SCARA3: variants seen among roughly 807,000 people sequenced by gnomAD.
SCARA3 encodes scavenger receptor class A member 3, also known as cellular stress response gene protein.
SCARA3 carries 39 observed loss-of-function variants against 47.0 expected under a neutral mutation model. The ratio of observed to expected loss-of-function variants is 0.83; its 90% CI spans 0.64 to 1.08. SCARA3 has a LOEUF of 1.08. Among genes scored for constraint, SCARA3 ranks in the 50% least tolerant of loss-of-function variants. The pLI, the probability that SCARA3 is intolerant of heterozygous loss-of-function variation, is 0.00. For missense variants in SCARA3, 724 were observed against 792.3 expected (o/e 0.91, Z 1.04); for synonymous variants, 356 against 334.1 (o/e 1.07, Z -0.71).
At chr8:27,719,220 TC>T in the SCARA3 span, among the ~76,000 whole-genome samples, 1 of 152,210 alleles carries the variant, frequency 6.6e-6, no homozygotes, top group Non-Finnish European at 1.5e-5. Flanking sequence ...TGAGATGATG[TC>T]CTTTGCAGGG....
intron 5 of SCARA3, among the ~76,000 whole-genome samples, chr8:27,660,531 T>C (rs1034117890): frequency 2.5e-5 from 3 of 121,044 alleles, no homozygotes; most frequent in Non-Finnish European, 5.2e-5. Flanking sequence ...GAGATAGAGA[T>C]GAGATAGATA....
chr8:27,679,047 T>C (rs1802319586), downstream of SCARA3, among the ~76,000 whole-genome samples: 1 of 152,168 alleles, frequency 6.6e-6, no homozygotes, highest in Non-Finnish European at 1.5e-5. Context: ...GTCTAGCTTC[T>C]TTTCTTAATT....
In SCARA3 at chr8:27,658,813, G is replaced by A. The variant is rs1244395119; in HGVS notation, c.643G>A (p.Asp215Asn). The A allele has an allele frequency of 6.8e-6, 11 of 1,614,144 alleles. No individual in the cohort carries two copies. The highest frequency in any genetic ancestry group is 1.7e-5 in the Admixed American group (1 of 60,026). ...GAAGGACCTCACCCAGGAGTGCTAC[G>A]ATGTCAAGGCTGCAGTGCACCAGAT... ...SLKDLTQECY[D>N]VKAAVHQINF... The change falls in exon 5 of 6, where the codon GAT (aspartate) becomes AAT (asparagine). Residue 215 changes from aspartate to asparagine, a missense_variant. Coordinates refer to ENST00000301904, the MANE Select transcript of SCARA3 (RefSeq NM_016240.3).
chr8:27,667,186 C>T (rs1187167387), intron 5 of SCARA3, among the ~76,000 whole-genome samples: 1 of 152,212 alleles, frequency 6.6e-6, no homozygotes, highest in Non-Finnish European at 1.5e-5. Context: ...ATTCCTTGCC[C>T]CCACACTAAC....
Position 27,671,446 on chromosome 8 carries a change from C to A in SCARA3, c.*95C>A. 7.6e-7 allele frequency: 1 copy of A among 1,322,412 alleles called. No homozygotes were observed. The highest frequency in any genetic ancestry group is 2.4e-5 in the South Asian group (1 of 42,520). The allele number at this position is 1,322,412 out of a possible 1,614,324, so 81.9% of individuals were successfully genotyped here. ...AGCCTCACCTACAGACAGCTGTGGT[C>A]CTCTGATTCCAATGAGGGGGCTCCC... On this transcript the variant is annotated 3_prime_UTR_variant, in exon 6 of 6. Transcript: ENST00000301904.
In SCARA3 at chr8:27,634,132, G is replaced by T. The variant is rs1044541449; in HGVS notation, c.-69G>T. 235 of 1,416,646 alleles carry T rather than the reference G, an allele frequency of 1.7e-4. No individual in the cohort carries two copies. Among genetic ancestry groups the T allele is most frequent in the Non-Finnish European group, 2.1e-4 (224 of 1,084,096 alleles). 87.8% of individuals were successfully genotyped at this position (1,416,646 alleles called of 1,614,324 possible). On this transcript the variant is annotated 5_prime_UTR_variant, in exon 1 of 6. Coordinates refer to ENST00000301904, the MANE Select transcript of SCARA3 (RefSeq NM_016240.3). ...GATCCGCGCCCTGGAGGATCCGCCGGCCGCCCGGCTCCACTACAGCTCCAG... is the reference window on the plus strand; with the variant it reads ...GATCCGCGCCCTGGAGGATCCGCCGTCCGCCCGGCTCCACTACAGCTCCAG...
At chr8:27,698,714 A>G in the SCARA3 span, among the ~76,000 whole-genome samples, 12 of 152,192 alleles carry the variant, frequency 7.9e-5, no homozygotes, top group Admixed American at 5.2e-4. Context: ...TCTATATACT[A>G]GGAGCAAAAA....
the SCARA3 span, among the ~76,000 whole-genome samples, chr8:27,712,560 C>T: frequency 3.0e-5 from 1 of 33,822 alleles, no homozygotes. Context: ...GAGACTCCGT[C>T]TCAAAAAAAA....
the SCARA3 span, among the ~76,000 whole-genome samples, chr8:27,688,392 AT>A: frequency 6.7e-6 from 1 of 149,442 alleles, no homozygotes; most frequent in Non-Finnish European, 1.5e-5. Flanking sequence ...GAAGTCCTTG[AT>A]ATTGGCAAAA....
At chr8:27,642,774 T>C (rs980325081) in intron 1 of SCARA3, among the ~76,000 whole-genome samples, 2 of 152,094 alleles carry the variant, frequency 1.3e-5, no homozygotes, top group Admixed American at 6.6e-5. Context: ...CACTGAGCCA[T>C]GATCGCACCA....
intron 5 of SCARA3, among the ~76,000 whole-genome samples, chr8:27,668,525 C>T (rs1293664152): frequency 1.3e-4 from 17 of 127,988 alleles, no homozygotes; most frequent in Non-Finnish European, 2.9e-4. Flanking sequence ...CCGGCCTGGG[C>T]GACAGAGCGA....
At chr8:27,650,392 C>T (rs1801607167) in intron 2 of SCARA3, among the ~76,000 whole-genome samples, 1 of 152,164 alleles carries the variant, frequency 6.6e-6, no homozygotes, top group African/African-American at 2.4e-5. Context: ...TACCCTGTCC[C>T]TGGGGCCTGT....
chr8:27,689,480 G>T, the SCARA3 span, among the ~76,000 whole-genome samples: 1 of 152,136 alleles, frequency 6.6e-6, no homozygotes, highest in Non-Finnish European at 1.5e-5. Flanking sequence ...TGCACTGAGC[G>T]GTGACCCACT....
chr8:27,725,043 G>T, the SCARA3 span, among the ~76,000 whole-genome samples: 1,593 of 152,288 alleles, frequency 0.01, 24 homozygotes, highest in African/African-American at 0.036. Flanking sequence ...CTAACACTCT[G>T]GGAGGCCAAG....
chr8:27,634,488 G>T (rs925394843), intron 1 of SCARA3, among the ~76,000 whole-genome samples: 5 of 152,248 alleles, frequency 3.3e-5, no homozygotes, highest in African/African-American at 1.2e-4. Context: ...AAAATCCAGA[G>T]AAGTTTCTGA....
Position 27,672,551 on chromosome 8 carries a change from G to C in SCARA3, c.*1200G>C, listed in dbSNP as rs34919189. On this transcript the variant is annotated 3_prime_UTR_variant, in exon 6 of 6. Coordinates refer to ENST00000301904, the MANE Select transcript of SCARA3 (RefSeq NM_016240.3). ...GCTCTCCTGATCACAGCTGCATGCC[G>C]ACCTTGTCCCACCGGGACCCACAAT... is the stretch of plus-strand genomic sequence containing the variant. The C allele has an allele frequency of 2.0e-5, 20 of 985,568 alleles. No individual in the cohort carries two copies. The highest frequency in any genetic ancestry group is 2.4e-5 in the Non-Finnish European group (20 of 830,150). The allele number at this position is 985,568 out of a possible 1,614,324, so 61.1% of individuals were successfully genotyped here.
At chr8:27,715,820 TAGATGATA>T in the SCARA3 span, among the ~76,000 whole-genome samples, 5 of 143,022 alleles carry the variant, frequency 3.5e-5, no homozygotes, top group East Asian at 2.1e-4. The surrounding 1 kb of genome is among the most constrained non-coding windows in gnomAD (Gnocchi z 4.2). Flanking sequence ...GATAGATAGA[TAGATGATA>T]GATAGATAGA....
chr8:27,684,017 A>G, the SCARA3 span, among the ~76,000 whole-genome samples: 2 of 152,248 alleles, frequency 1.3e-5, no homozygotes, highest in African/African-American at 4.8e-5. Flanking sequence ...GATGCTAAAA[A>G]TAAAAATAGT....
At chr8:27,701,440 T>C in the SCARA3 span, 2 of 152,116 alleles carry the variant, frequency 1.3e-5, no homozygotes, top group African/African-American at 4.8e-5. Context: ...GTACAGTAGA[T>C]TTTTTTAAAA....
Sources: gnomAD v4.1 joint callset for allele counts (sites outside exome capture counted in the v4.1 genomes callset) on GRCh38, gnomAD v4.1.1 for gene constraint, Gnocchi (gnomAD v3.1) non-coding constraint, MANE v1.5 for transcripts, NCBI Gene and HGNC (gene_info 2026-07-23, HGNC 2026-07-21) for gene names.